TTLL1: variants seen among roughly 807,000 people sequenced by gnomAD.
The protein encoded by TTLL1 is polyglutamylase complex subunit TTLL1.
A neutral mutation model predicts 47.8 loss-of-function variants in TTLL1; 33 were observed. The ratio of observed to expected loss-of-function variants is 0.69; its 90% CI spans 0.52 to 0.92. The LOEUF (loss-of-function observed/expected upper bound fraction) is 0.92. Ranked by LOEUF, TTLL1 falls within the 40% of genes least tolerant of loss-of-function variation. The pLI is 0.00. For missense variants in TTLL1, 488 were observed against 547.5 expected (o/e 0.89, Z 1.08); for synonymous variants, 225 against 214.1 (o/e 1.05, Z -0.45).
chr22:43,067,303 C>T (rs369657926), intron 5 of TTLL1, among the ~76,000 whole-genome samples: 31 of 152,348 alleles, frequency 2.0e-4, no homozygotes, highest in East Asian at 1.9e-3. Flanking sequence ...AACCCCATGG[C>T]AGTGGTGCTG....
intron 10 of TTLL1, among the ~76,000 whole-genome samples, chr22:43,042,392 T>C (rs1410799465): frequency 1.3e-5 from 2 of 152,224 alleles, no homozygotes; most frequent in Admixed American, 1.3e-4. Flanking sequence ...AGAGCCAAGA[T>C]GGCTCTTCGA....
At chr22:43,087,716 TAATCCA>T (rs536694035) in intron 1 of TTLL1, among the ~76,000 whole-genome samples, 51 of 148,982 alleles carry the variant, frequency 3.4e-4, no homozygotes, top group African/African-American at 1.2e-3. Flanking sequence ...TGGGCGCCTG[TAATCCA>T]AGCTATCTGG....
intron 9 of TTLL1, among the ~76,000 whole-genome samples, chr22:43,047,151 G>A (rs1438139557): frequency 2.6e-5 from 4 of 152,132 alleles, no homozygotes; most frequent in East Asian, 1.9e-4. Context: ...TATCACAAAC[G>A]TTATCAGTGC....
chr22:43,082,641 A>C lies in TTLL1; in HGVS notation c.-89-2655T>G, dbSNP rs192808015. On this transcript the variant is annotated intron_variant, in intron 1 of 10. Coordinates refer to ENST00000266254, the MANE Select transcript of TTLL1 (RefSeq NM_012263.5). ...TGAGGCAGGAGAATTGCTTGAACCC[A>C]GGAGGCGGAGTTTGCAGTGGGCCAA... Among the ~76,000 whole-genome samples the C allele has an allele frequency of 4.2e-3, 620 of 146,250 alleles. 5 individuals carry two copies. Among genetic ancestry groups the C allele is most frequent in the Non-Finnish European group, 6.8e-3 (450 of 66,072 alleles).
intron 10 of TTLL1, among the ~76,000 whole-genome samples, chr22:43,042,940 T>A (rs1327568763): frequency 6.9e-6 from 1 of 145,050 alleles, no homozygotes; most frequent in Non-Finnish European, 1.5e-5. Context: ...TGCTTTTTCT[T>A]TTTTTTTTTT....
chr22:43,055,691 C>T (rs1408318112), intron 8 of TTLL1, among the ~76,000 whole-genome samples: 1 of 151,334 alleles, frequency 6.6e-6, no homozygotes, highest in Non-Finnish European at 1.5e-5. Context: ...CCAGGCTGGT[C>T]TTGAACTCCT....
At chr22:43,076,489 C>T (rs977155343) in intron 2 of TTLL1, among the ~76,000 whole-genome samples, 9 of 151,200 alleles carry the variant, frequency 6.0e-5, no homozygotes, top group African/African-American at 1.5e-4. Flanking sequence ...CGGTGGCTCA[C>T]GCCTGTAATC....
At chr22:43,073,289 G>C (rs912557537) in intron 3 of TTLL1, among the ~76,000 whole-genome samples, 1 of 151,874 alleles carries the variant, frequency 6.6e-6, no homozygotes, top group South Asian at 2.1e-4. Flanking sequence ...GCATCCCAAG[G>C]TGCTGAGATT....
chr22:43,075,700 CA>C, intron 2 of TTLL1, 110 bp from the exon 3 acceptor site: 1 of 891,780 alleles, frequency 1.1e-6, no homozygotes, highest in Non-Finnish European at 1.8e-6. Flanking sequence ...CTTACCCCGG[CA>C]ATGGTTCTCA....
chr22:43,087,066 A>G (rs1286974456), intron 1 of TTLL1, among the ~76,000 whole-genome samples: 1 of 152,086 alleles, frequency 6.6e-6, no homozygotes, highest in Non-Finnish European at 1.5e-5. Flanking sequence ...TTTTGTCTTA[A>G]GCCTTTGCTC....
At chr22:43,055,175 C>T (rs1242707509) in intron 8 of TTLL1, among the ~76,000 whole-genome samples, 1 of 151,632 alleles carries the variant, frequency 6.6e-6, no homozygotes, top group African/African-American at 2.4e-5. Flanking sequence ...GGGTGTGTGC[C>T]ATCACGCCTG....
chr22:43,044,384 C>T (rs991901612), intron 10 of TTLL1, among the ~76,000 whole-genome samples: 2 of 152,144 alleles, frequency 1.3e-5, no homozygotes, highest in Non-Finnish European at 2.9e-5. Context: ...AGCTGTAACA[C>T]GCACATCCAC....
intron 8 of TTLL1, among the ~76,000 whole-genome samples, chr22:43,057,592 A>G (rs1927103193): frequency 6.6e-6 from 1 of 152,128 alleles, no homozygotes; most frequent in Non-Finnish European, 1.5e-5. Context: ...CCCACCACAC[A>G]CACACTCCAC....
intron 2 of TTLL1, among the ~76,000 whole-genome samples, chr22:43,076,816 T>C (rs952659624): frequency 6.7e-6 from 1 of 149,730 alleles, no homozygotes; most frequent in Non-Finnish European, 1.5e-5. Flanking sequence ...CAAGTGTTTA[T>C]CTGGGCCAGG....
At chr22:43,061,941 T>G (rs1927412857) in intron 7 of TTLL1, among the ~76,000 whole-genome samples, 1 of 152,198 alleles carries the variant, frequency 6.6e-6, no homozygotes, top group Admixed American at 6.5e-5. Flanking sequence ...TCCATGATCT[T>G]CTAGATGTGT....
intron 1 of TTLL1, among the ~76,000 whole-genome samples, chr22:43,084,611 C>T (rs963398913): frequency 2.0e-5 from 3 of 151,900 alleles, no homozygotes; most frequent in African/African-American, 7.3e-5. Flanking sequence ...ACGCCATTCT[C>T]CTGCCTCAGC....
chr22:43,075,657 T>A, intron 2 of TTLL1, 67 bp from the exon 3 acceptor site: 3 of 1,394,996 alleles, frequency 2.2e-6, no homozygotes, highest in Non-Finnish European at 3.0e-6. Flanking sequence ...ACCCAAGGAA[T>A]CCTCTAAACA....
intron 8 of TTLL1, among the ~76,000 whole-genome samples, chr22:43,052,841 C>G (rs1351538010): frequency 6.6e-6 from 1 of 151,896 alleles, no homozygotes; most frequent in African/African-American, 2.4e-5. Flanking sequence ...GGTGGATCAC[C>G]TGACGTCGGG....
At chr22:43,077,253 T>C (rs1163434101) in intron 2 of TTLL1, among the ~76,000 whole-genome samples, 4 of 152,148 alleles carry the variant, frequency 2.6e-5, no homozygotes, top group Non-Finnish European at 4.4e-5. Flanking sequence ...TCTGCCACGC[T>C]GGGCTTCTCT....
Sources: gnomAD v4.1 joint callset for allele counts (sites outside exome capture counted in the v4.1 genomes callset) on GRCh38, gnomAD v4.1.1 for gene constraint, MANE v1.5 for transcripts, NCBI Gene and HGNC (gene_info 2026-07-23, HGNC 2026-07-21) for gene names.